ECHDC1: variants seen among roughly 807,000 people sequenced by gnomAD.
ECHDC1 encodes ethylmalonyl-CoA decarboxylase.
ECHDC1 carries 29 observed loss-of-function variants against 29.7 expected under a neutral mutation model. The ratio of observed to expected loss-of-function variants is 0.98; its 90% CI spans 0.73 to 1.33. ECHDC1 has a LOEUF of 1.33. Ranked by LOEUF, ECHDC1 falls within the 40% of genes most tolerant of loss-of-function variation. The probability of loss-of-function intolerance (pLI) is 0.00; values close to 1 mark genes in which losing one functional copy is unlikely to be tolerated. For synonymous variants in ECHDC1, 126 were observed against 123.1 expected, an observed-to-expected ratio of 1.02 and a Z score of -0.15; for missense variants, 328 against 350.0, an observed-to-expected ratio of 0.94 and a Z score of 0.50.
At chr6:127,341,858 G>A (rs1344334384) in intron 1 of ECHDC1, among the ~76,000 whole-genome samples, 4 of 152,212 alleles carry the variant, frequency 2.6e-5, no homozygotes, top group Non-Finnish European at 5.9e-5. Context: ...GCACGTAATA[G>A]AAATCAGAAG....
chr6:127,328,850 C>T (rs1221160958), intron 2 of ECHDC1, among the ~76,000 whole-genome samples: 1 of 151,990 alleles, frequency 6.6e-6, no homozygotes, highest in Non-Finnish European at 1.5e-5. Flanking sequence ...CACGGTGAAA[C>T]CCCTTCTCTA....
chr6:127,332,453 C>T (rs1784043238), intron 1 of ECHDC1, among the ~76,000 whole-genome samples: 1 of 151,748 alleles, frequency 6.6e-6, no homozygotes. Context: ...CCAAGGTGGT[C>T]GGGGTATGAC....
chr6:127,316,490 C>T lies in ECHDC1; in HGVS notation c.376G>A (p.Val126Ile), dbSNP rs201514305. 1.4e-4 allele frequency: 221 copies of T among 1,601,852 alleles called. No homozygotes were observed. Among genetic ancestry groups the T allele is most frequent in the Non-Finnish European group, 1.7e-4 (197 of 1,174,810 alleles). ...AAGGTGTTTTGCATGAACATGCATA[C>T]GGCCATTCCATCCTTTAAATAAAAA... ...SLGTPEDGMA[V>I]CMFMQNTLTR... The change falls in exon 4 of 6, where the codon GTA becomes ATA. Residue 126 changes from valine (V) to isoleucine (I), a missense_variant. Coordinates refer to ENST00000454859, the MANE Select transcript of ECHDC1 (RefSeq NM_001002030.2).
intron 5 of ECHDC1, among the ~76,000 whole-genome samples, chr6:127,301,664 C>A (rs1333542211): frequency 3.3e-5 from 5 of 152,164 alleles, no homozygotes. Context: ...AGTATGCAAT[C>A]CTCTCTATTA....
intron 1 of ECHDC1, among the ~76,000 whole-genome samples, chr6:127,332,865 T>G (rs1784086426): frequency 1.3e-5 from 2 of 152,120 alleles, no homozygotes; most frequent in Admixed American, 6.5e-5. Context: ...CTATCTCCAC[T>G]CACTGAAACC....
In ECHDC1 at chr6:127,290,024, G is replaced by T. The variant is rs1432603075; in HGVS notation, c.751C>A (p.Pro251Thr). 5 of 1,613,498 alleles carry T rather than the reference G, an allele frequency of 3.1e-6. No homozygotes were observed. In the Admixed American group the frequency reaches 5.0e-5, roughly 16 times the overall value. Reference protein sequence around the residue: ...EWLKQFIQGPPEVIRALKKSV... With the variant: ...EWLKQFIQGPTEVIRALKKSV... ...TTTTTCAAAGCTCTAATTACTTCCG[G>T]TGGCCCTTGGATGAATTGCTTTAGC... Residue 251 changes from proline to threonine, a missense_variant, in exon 6 of 6, where the codon CCG becomes ACG. Pro to Thr is a conservative substitution (Grantham distance 38). Coordinates refer to ENST00000454859, the MANE Select transcript of ECHDC1 (RefSeq NM_001002030.2).
At position 127,332,555 on chromosome 6, in the gene ECHDC1, A is replaced by C. The variant is rs951384855; in HGVS notation, c.-2-1525T>G. Among the ~76,000 whole-genome samples the C allele has an allele frequency of 3.9e-5, 6 of 152,180 alleles. No individual in the cohort carries two copies. In the East Asian group the frequency reaches 1.2e-3, roughly 29 times the overall value. ...GACTGAGGTAAGGCAGGACAACTCT[A>C]AACTTCTGTGGGGGAGGGTGGTGGG... On this transcript the variant is annotated intron_variant, in intron 1 of 5. Coordinates refer to ENST00000454859, the MANE Select transcript of ECHDC1 (RefSeq NM_001002030.2).
At chr6:127,321,153 T>C (rs924723097) in intron 3 of ECHDC1, among the ~76,000 whole-genome samples, 29 of 152,194 alleles carry the variant, frequency 1.9e-4, no homozygotes, top group African/African-American at 6.5e-4. Flanking sequence ...TATAATCTAA[T>C]TGCTAAAATT....
chr6:127,331,601 CCAATA>C (rs1783951704), intron 1 of ECHDC1, among the ~76,000 whole-genome samples: 2 of 152,156 alleles, frequency 1.3e-5, no homozygotes, highest in Non-Finnish European at 2.9e-5. Flanking sequence ...TTACTGTGCT[CCAATA>C]CAATAGGAAA....
At chr6:127,306,473 G>C (rs1781448878) in intron 5 of ECHDC1, among the ~76,000 whole-genome samples, 1 of 152,172 alleles carries the variant, frequency 6.6e-6, no homozygotes, top group African/African-American at 2.4e-5. Context: ...CATGGGGGCA[G>C]CCTTCCCCCT....
chr6:127,315,799 C>G (rs1582968445), intron 4 of ECHDC1: 2 of 387,324 alleles, frequency 5.2e-6, no homozygotes, highest in Non-Finnish European at 1.0e-5. Context: ...ACCAAAAATA[C>G]AGTAATGTCC....
Position 127,302,789 on chromosome 6 carries a change from G to A in ECHDC1, c.497+12027C>T, listed in dbSNP as rs568841483. On this transcript the variant is annotated intron_variant, in intron 5 of 5. Coordinates refer to ENST00000454859, the MANE Select transcript of ECHDC1 (RefSeq NM_001002030.2). ...TATTTCATAACTACCTGTATTCAGT[G>A]TAAAGTGAGGAATGCATTTAATACT... Among the ~76,000 whole-genome samples the A allele has an allele frequency of 3.3e-5, 5 of 152,240 alleles. No individual in the cohort carries two copies. In the South Asian group the frequency reaches 8.3e-4, roughly 25 times the overall value.
At chr6:127,331,147 A>AT in intron 1 of ECHDC1, 117 bp from the exon 2 acceptor site, 1 of 676,140 alleles carries the variant, frequency 1.5e-6, no homozygotes, top group South Asian at 2.1e-5. Flanking sequence ...ATACTTCCCC[A>AT]TTTCTTTTTT....
chr6:127,324,053 CA>C (rs1411232510), intron 3 of ECHDC1, among the ~76,000 whole-genome samples: 1 of 152,094 alleles, frequency 6.6e-6, no homozygotes, highest in Non-Finnish European at 1.5e-5. Flanking sequence ...TAAAGGAATT[CA>C]AATTCTTGCT....
chr6:127,333,714 C>CAG (rs1554247180), intron 1 of ECHDC1, among the ~76,000 whole-genome samples: 30 of 147,392 alleles, frequency 2.0e-4, no homozygotes, highest in African/African-American at 7.3e-4. Context: ...CACACACACA[C>CAG]AGTTTACCAG....
intron 5 of ECHDC1, 101 bp downstream of exon 5, chr6:127,314,715 T>C: frequency 1.2e-6 from 1 of 813,298 alleles, no homozygotes; most frequent in Non-Finnish European, 1.9e-6. Context: ...AAAATAGGTT[T>C]ATCCTATTTA....
chr6:127,292,570 C>T (rs1000010930), intron 5 of ECHDC1, among the ~76,000 whole-genome samples: 1 of 151,772 alleles, frequency 6.6e-6, no homozygotes, highest in Admixed American at 6.6e-5. Context: ...GATAAAAGAA[C>T]ACAAGTAGTT....
intron 1 of ECHDC1, among the ~76,000 whole-genome samples, chr6:127,340,140 A>G (rs1784798038): frequency 6.6e-6 from 1 of 152,266 alleles, no homozygotes; most frequent in Non-Finnish European, 1.5e-5. Context: ...ATATCTACAT[A>G]TAATACATAT....
At chr6:127,323,011 TA>T (rs1782969451) in intron 3 of ECHDC1, among the ~76,000 whole-genome samples, 1 of 152,118 alleles carries the variant, frequency 6.6e-6, no homozygotes, top group Admixed American at 6.6e-5. Flanking sequence ...CATGATACTG[TA>T]AGTGGAAAAT....
Sources: allele counts gnomAD v4.1 joint callset (sites outside exome capture counted in the v4.1 genomes callset), GRCh38; gene constraint gnomAD v4.1.1; transcripts MANE v1.5; gene names NCBI Gene and HGNC (gene_info 2026-07-23, HGNC 2026-07-21).